PDE1C: variants seen among roughly 807,000 people sequenced by gnomAD.
PDE1C encodes phosphodiesterase 1C.
Under a neutral mutation model 93.1 loss-of-function variants are expected in PDE1C, and 62 were observed. That is an observed-to-expected ratio of 0.67 (90% CI 0.54 to 0.82). The LOEUF (loss-of-function observed/expected upper bound fraction) is 0.82, where lower values mean the gene tolerates loss of function less well. PDE1C is among the 40% of genes least tolerant of loss of function. PDE1C has a pLI of 0.00. For missense variants in PDE1C, 742 were observed against 884.6 expected, an observed-to-expected ratio of 0.84 and a Z score of 2.04; for synonymous variants, 325 against 310.1, an observed-to-expected ratio of 1.05 and a Z score of -0.50.
chr7:32,163,250 G>A (rs975727034), intron 3 of PDE1C, among the ~76,000 whole-genome samples: 1 of 152,112 alleles, frequency 6.6e-6, no homozygotes, highest in Non-Finnish European at 1.5e-5. Context: ...GGGCGGGGCC[G>A]AAGCTCCAGG....
intron 1 of PDE1C, among the ~76,000 whole-genome samples, chr7:32,274,372 CT>C (rs35725532): frequency 3.8e-5 from 5 of 132,660 alleles, no homozygotes; most frequent in African/African-American, 1.4e-4. Flanking sequence ...CATGTCTGGC[CT>C]TTTTTTTTTT....
At chr7:32,315,994 C>A (rs907708001) in intron 1 of PDE1C, among the ~76,000 whole-genome samples, 2 of 152,124 alleles carry the variant, frequency 1.3e-5, no homozygotes, top group Non-Finnish European at 2.9e-5. Context: ...AAAACTCCAT[C>A]TCAAAAAATA....
chr7:32,254,104 G>C lies in PDE1C; in HGVS notation c.85+44547C>G, dbSNP rs192408024. ...ACAATGAAATGAGGCGATACGGGGCGTATCAGAGGATCTGGACTGGGCTAG... is the reference window on the plus strand; with the variant it reads ...ACAATGAAATGAGGCGATACGGGGCCTATCAGAGGATCTGGACTGGGCTAG... On this transcript the variant is annotated intron_variant, in intron 1 of 18. Coordinates refer to the PDE1C transcript ENST00000396193. 3.3e-5 allele frequency among the ~76,000 whole-genome samples: 5 copies of C among 152,318 alleles called. No individual in the cohort carries two copies. In the East Asian group the frequency reaches 9.6e-4, roughly 29 times the overall value.
intron 2 of PDE1C, among the ~76,000 whole-genome samples, chr7:32,177,229 G>A (rs1452879114): frequency 1.3e-5 from 2 of 152,190 alleles, no homozygotes; most frequent in East Asian, 3.9e-4. Context: ...ACAAGGGCTT[G>A]TGGCAAGTTT....
chr7:32,329,285 A>G (rs557316726), intron 1 of PDE1C, among the ~76,000 whole-genome samples: 38 of 152,190 alleles, frequency 2.5e-4, no homozygotes, highest in Admixed American at 1.8e-3. Context: ...GCTCTTTCAC[A>G]CTGAGGAAAA....
At chr7:31,871,579 T>C (rs546048931) in intron 6 of PDE1C, among the ~76,000 whole-genome samples, 106 of 151,396 alleles carry the variant, frequency 7.0e-4, no homozygotes, top group African/African-American at 2.4e-3. Flanking sequence ...TGAAGACATA[T>C]AATGGACAAT....
intron 1 of PDE1C, among the ~76,000 whole-genome samples, chr7:32,421,329 T>C (rs920280421): frequency 1.3e-5 from 2 of 152,214 alleles, no homozygotes; most frequent in African/African-American, 4.8e-5. Flanking sequence ...ACTCCAGTTA[T>C]TGTTTAATTT....
At chr7:32,278,624 A>C (rs763303765) in intron 1 of PDE1C, among the ~76,000 whole-genome samples, 1 of 152,270 alleles carries the variant, frequency 6.6e-6, no homozygotes, top group Non-Finnish European at 1.5e-5. Flanking sequence ...TATGAAAATT[A>C]GTCAGGCTTC....
At chr7:32,001,694 A>G (rs528636910) in intron 2 of PDE1C, among the ~76,000 whole-genome samples, 1 of 151,816 alleles carries the variant, frequency 6.6e-6, no homozygotes, top group South Asian at 2.1e-4. Flanking sequence ...TAAAAAAGTA[A>G]AAAAAAAATT....
intron 1 of PDE1C, among the ~76,000 whole-genome samples, chr7:32,408,190 T>C (rs1283188685): frequency 1.3e-5 from 2 of 152,200 alleles, no homozygotes; most frequent in Admixed American, 6.5e-5. Flanking sequence ...GGATGTAGTA[T>C]ACAGCTTTAA....
At chr7:31,751,079 A>G (rs1794117971), downstream of PDE1C, 1 of 152,356 alleles carries the variant, frequency 6.6e-6, no homozygotes, top group South Asian at 2.1e-4. Context: ...AAGTTATACT[A>G]TTCACCTTGA....
intron 17 of PDE1C, 81 bp from the exon 18 acceptor site, chr7:31,753,634 C>T (rs777691357): frequency 4.1e-6 from 6 of 1,476,714 alleles, no homozygotes; most frequent in Non-Finnish European, 5.4e-6. Flanking sequence ...GAGCAACTTC[C>T]TCTAGACCTG....
rs141811328 is a variant in PDE1C at position 31,846,293 on chromosome 7, T to A, written c.980+1675A>T. On this transcript the variant is annotated intron_variant, in intron 9 of 17. Coordinates refer to ENST00000396191, the MANE Select transcript of PDE1C (RefSeq NM_001191057.4). ...GTCACCCAGGCTCTGTTCTGTCCAA[T>A]GGAATAGAACAGAGGCCTCAGAAAT... Among the ~76,000 whole-genome samples the A allele has an allele frequency of 5.5e-3, 828 of 149,384 alleles. 6 individuals carry two copies. Among genetic ancestry groups the A allele is most frequent in the African/African-American group, 0.019 (786 of 40,600 alleles).
the PDE1C span, among the ~76,000 whole-genome samples, chr7:31,617,491 G>T: frequency 1.7e-5 from 2 of 119,116 alleles, no homozygotes; most frequent in South Asian, 2.7e-4. Flanking sequence ...AAACTATTCT[G>T]CTTTTTGTAA....
the PDE1C span, among the ~76,000 whole-genome samples, chr7:31,621,304 G>A: frequency 1.8e-4 from 15 of 82,214 alleles, no homozygotes; most frequent in Admixed American, 1.8e-3. Flanking sequence ...ACACATAATT[G>A]TCAGATTCAC....
the PDE1C span, among the ~76,000 whole-genome samples, chr7:31,637,892 C>A: frequency 6.6e-6 from 1 of 152,168 alleles, no homozygotes; most frequent in African/African-American, 2.4e-5. Context: ...AGTCTTTAAT[C>A]CATCTTGAAT....
chr7:32,123,233 C>CA (rs1403838077), intron 3 of PDE1C, among the ~76,000 whole-genome samples: 1 of 151,764 alleles, frequency 6.6e-6, no homozygotes, highest in South Asian at 2.1e-4. Flanking sequence ...GCCCACCAAC[C>CA]AAAAAAAGCC....
intron 1 of PDE1C, among the ~76,000 whole-genome samples, chr7:32,344,230 C>T (rs1783809671): frequency 6.6e-6 from 1 of 152,114 alleles, no homozygotes; most frequent in African/African-American, 2.4e-5. Flanking sequence ...TGTGCTACCA[C>T]ACCCAGCTAA....
intron 7 of PDE1C, among the ~76,000 whole-genome samples, chr7:31,859,399 G>A (rs1319295186): frequency 6.8e-6 from 1 of 147,440 alleles, no homozygotes; most frequent in African/African-American, 2.5e-5. Flanking sequence ...GTACAGTAAT[G>A]GCACAATATC....
Sources: gnomAD v4.1 joint callset for allele counts (sites outside exome capture counted in the v4.1 genomes callset) on GRCh38, gnomAD v4.1.1 for gene constraint, MANE v1.5 for transcripts, NCBI Gene and HGNC (gene_info 2026-07-23, HGNC 2026-07-21) for gene names.